The following GYG2 variants were observed in gnomAD, a reference collection of about 807,000 sequenced individuals.
GYG2 encodes the protein glycogenin 2.
In GYG2, 29 loss-of-function variants were observed where a neutral mutation model predicts 29.4. That is an observed-to-expected ratio of 0.99 (90% CI 0.74 to 1.35). GYG2 has a LOEUF of 1.35. Among genes scored for constraint, GYG2 ranks in the 40% most tolerant of loss-of-function variants. GYG2 has a pLI of 0.00. For missense variants in GYG2, 370 were observed against 385.7 expected, an observed-to-expected ratio of 0.96 and a Z score of 0.34; for synonymous variants, 167 against 172.3, an observed-to-expected ratio of 0.97 and a Z score of 0.24.
Position 2,856,185 on chromosome X carries a change from G to A in GYG2, c.488-313G>A, listed in dbSNP as rs987652944. On this transcript the variant is annotated intron_variant, in intron 5 of 10. Coordinates refer to ENST00000398806, the MANE Select transcript of GYG2 (RefSeq NM_001079855.2). The stretch of plus-strand genomic sequence containing the variant: ...GAAACTGGCAAAAATGATGGGAAAA[G>A]CATTGTCACTACCAGGGAGAATTCA... Among the ~76,000 whole-genome samples, 3 of 111,658 alleles carry A rather than the reference G, an allele frequency of 2.7e-5. No homozygotes were observed. In the Admixed American group the frequency reaches 2.9e-4, roughly 11 times the overall value.
intron 8 of GYG2, 111 bp downstream of exon 8, chrX:2,861,833 G>A (rs2088177264): frequency 5.2e-6 from 3 of 579,632 alleles, no homozygotes; most frequent in Admixed American, 2.8e-5. Context: ...GAGGGGAAGG[G>A]CTGGTCTTTG....
chrX:2,877,060 G>A (rs1258565333), intron 9 of GYG2, 140 bp from the exon 10 acceptor site: 3 of 824,274 alleles, frequency 3.6e-6, no homozygotes, highest in East Asian at 3.6e-5. Flanking sequence ...TGGGATTACA[G>A]GCATGAGCCA....
At chrX:2,850,354 C>CTATCTT (rs1168228247) in intron 3 of GYG2, among the ~76,000 whole-genome samples, 3 of 111,669 alleles carry the variant, frequency 2.7e-5, no homozygotes, top group African/African-American at 9.8e-5. Flanking sequence ...TAGGTAATGA[C>CTATCTT]TATATTTGAT....
chrX:2,837,838 TACACACACACACAC>T (rs10578668), intron 2 of GYG2, among the ~76,000 whole-genome samples: 5 of 100,310 alleles, frequency 5.0e-5, no homozygotes, highest in East Asian at 3.1e-4. Context: ...TGCAATTAAA[TACACACACACACAC>T]ACACACACAC....
rs147545940 is a variant in GYG2 at position 2,864,745 on chromosome X, A to G, written c.1038+3023A>G. Among the ~76,000 whole-genome samples, 910 of 109,988 alleles carry G rather than the reference A, an allele frequency of 8.3e-3. 17 individuals are homozygous for G. The highest frequency in any genetic ancestry group is 0.029 in the African/African-American group (856 of 30,000). Reference sequence around the variant, plus strand: ...TTGTGTTTTTGCAGATGATCTTAGAAGCATTCTTCTTTTTCTTTCTTTTTT... The same window carrying G: ...TTGTGTTTTTGCAGATGATCTTAGAGGCATTCTTCTTTTTCTTTCTTTTTT... On this transcript the variant is annotated intron_variant, in intron 8 of 10. Coordinates refer to ENST00000398806, the MANE Select transcript of GYG2 (RefSeq NM_001079855.2).
chrX:2,851,236 A>C (rs2087864826), intron 3 of GYG2, among the ~76,000 whole-genome samples: 1 of 110,830 alleles, frequency 9.0e-6, no homozygotes, highest in Non-Finnish European at 1.9e-5. Flanking sequence ...ATTGTTCTTC[A>C]GTTGTTTGTT....
chrX:2,861,895 G>T (rs750646066), intron 8 of GYG2, among the ~76,000 whole-genome samples, 173 bp downstream of exon 8: 1 of 111,699 alleles, frequency 9.0e-6, no homozygotes, highest in African/African-American at 3.3e-5. Context: ...ACGGCACACC[G>T]AATCAAGCTC....
chrX:2,848,365 C>T (rs2087790791), intron 3 of GYG2, among the ~76,000 whole-genome samples: 1 of 110,223 alleles, frequency 9.1e-6, no homozygotes, highest in Admixed American at 9.8e-5. Context: ...ATGGTGAAAC[C>T]CCGTCTTTAC....
At chrX:2,834,987 C>T (rs2087343531) in intron 2 of GYG2, among the ~76,000 whole-genome samples, 1 of 111,173 alleles carries the variant, frequency 9.0e-6, no homozygotes, top group African/African-American at 3.3e-5. Flanking sequence ...CAAAGGTGGT[C>T]GGGGTACAGC....
intron 3 of GYG2, among the ~76,000 whole-genome samples, chrX:2,850,158 TAGAAG>T (rs888728534): frequency 9.1e-6 from 1 of 110,175 alleles, no homozygotes; most frequent in Non-Finnish European, 1.9e-5. Flanking sequence ...TAATAATAAA[TAGAAG>T]AGAGCACACA....
Position 2,861,688 on chromosome X carries a change from C to G in GYG2, c.1004C>G (p.Thr335Ser). The G allele has an allele frequency of 1.7e-6, 2 of 1,199,392 alleles. No homozygotes were observed. Among genetic ancestry groups the G allele is most frequent in the Non-Finnish European group, 2.3e-6 (2 of 888,171 alleles). Residue 335 changes from threonine to serine, a missense_variant, in exon 8 of 11, where the codon ACC (threonine) becomes AGC (serine). Physicochemically the swap from Thr to Ser is moderately conservative, Grantham distance 58. Transcript: ENST00000398806. The stretch of plus-strand genomic sequence containing the variant: ...GAGCCGACCCAGATAGTGGATGAGA[C>G]CCTGTCCCTACCTGAAGGACGCCGT... Reference protein sequence around the residue: ...LPEPTQIVDETLSLPEGRRSE... With the variant: ...LPEPTQIVDESLSLPEGRRSE...
At position 2,856,811 on chromosome X, in the gene GYG2, T is replaced by TATCC. The variant is rs386416476; in HGVS notation, c.614+190_614+191insCATC. Among the ~76,000 whole-genome samples, 4 of 94,800 alleles carry TATCC rather than the reference T, an allele frequency of 4.2e-5. No individual in the cohort carries two copies. In the Admixed American group the frequency reaches 4.7e-4, roughly 11 times the overall value. 82.3% of individuals were successfully genotyped at this position (94,800 alleles called of 115,157 possible). A position where few individuals can be genotyped will look rare whatever the true frequency, so the allele number is the denominator to read the frequency against. On this transcript the variant is annotated intron_variant, in intron 6 of 10. Coordinates refer to ENST00000398806, the MANE Select transcript of GYG2 (RefSeq NM_001079855.2). ...ATCATCTATCTATCATCTATCTATCTATCACCTCTATCTAGGTAGATCTAA... is the reference window on the plus strand; with the variant it reads ...ATCATCTATCTATCATCTATCTATCTATCCATCACCTCTATCTAGGTAGATCTAA...
intron 6 of GYG2, among the ~76,000 whole-genome samples, chrX:2,858,779 A>C (rs796230217): frequency 9.0e-6 from 1 of 111,643 alleles, no homozygotes; most frequent in South Asian, 3.8e-4. Flanking sequence ...TTTCATGAGG[A>C]GGTGATCCAC....
chrX:2,870,502 C>T (rs1351355652), intron 8 of GYG2, among the ~76,000 whole-genome samples: 1 of 111,805 alleles, frequency 8.9e-6, no homozygotes, highest in Non-Finnish European at 1.9e-5. Flanking sequence ...CACGCCCGGC[C>T]TCTACTAACA....
At chrX:2,859,423 G>A (rs1401251690) in intron 6 of GYG2, among the ~76,000 whole-genome samples, 2 of 110,759 alleles carry the variant, frequency 1.8e-5, no homozygotes, top group Non-Finnish European at 3.8e-5. Context: ...ATTGATAGTG[G>A]TAGATTATTA....
rs150699450 is a variant in GYG2, at chrX:2,843,857, A to G, written c.149+503A>G. Among the ~76,000 whole-genome samples, 333 of 111,237 alleles carry G rather than the reference A, an allele frequency of 3.0e-3. 1 individual carries two copies. Among genetic ancestry groups the G allele is most frequent in the African/African-American group, 0.01 (312 of 30,602 alleles). Reference sequence around the variant, plus strand: ...GGGTTTCGCCACGTTGCCTAGGCTGATCTTGAACTCCTGGACTCACTCAGT... The same window carrying G: ...GGGTTTCGCCACGTTGCCTAGGCTGGTCTTGAACTCCTGGACTCACTCAGT... On this transcript the variant is annotated intron_variant, in intron 3 of 10. Coordinates refer to ENST00000398806, the MANE Select transcript of GYG2 (RefSeq NM_001079855.2).
intron 2 of GYG2, among the ~76,000 whole-genome samples, chrX:2,840,736 G>A (rs1282670558): frequency 9.1e-6 from 1 of 110,138 alleles, no homozygotes; most frequent in African/African-American, 3.3e-5. Context: ...GAGAGATGAT[G>A]GAGATAGATG....
intron 10 of GYG2, among the ~76,000 whole-genome samples, chrX:2,879,496 G>A (rs970500045): frequency 4.5e-5 from 5 of 111,333 alleles, no homozygotes; most frequent in African/African-American, 6.5e-5. Flanking sequence ...TCGAACTCCC[G>A]ACCTCAAGTG....
rs928311245 is a variant in GYG2, at chrX:2,854,985, T to C, written c.325-8T>C. The C allele has an allele frequency of 4.1e-6, 5 of 1,205,739 alleles. No homozygotes were observed. The highest frequency in any genetic ancestry group is 5.6e-6 in the Non-Finnish European group (5 of 892,314). On this transcript the variant is annotated splice_polypyrimidine_tract_variant and splice_region_variant and intron_variant, in intron 4 of 10. Transcript: ENST00000398806. Reference sequence around the variant, plus strand: ...TTGCGGCGGGTTCTGCGTGTTTTGCTTCACCAGGTGCTGTCCAATGTCGAT... The same window carrying C: ...TTGCGGCGGGTTCTGCGTGTTTTGCCTCACCAGGTGCTGTCCAATGTCGAT...
Sources: gnomAD v4.1 joint callset for allele counts (sites outside exome capture counted in the v4.1 genomes callset) on GRCh38, gnomAD v4.1.1 for gene constraint, MANE v1.5 for transcripts, NCBI Gene and HGNC (gene_info 2026-07-23, HGNC 2026-07-21) for gene names.